The following CEP89 variants were observed in gnomAD, a reference collection of about 807,000 sequenced individuals.
CEP89 encodes the protein centrosomal protein of 89 kDa.
Under a neutral mutation model 97.6 loss-of-function variants are expected in CEP89, and 95 were observed. That is an observed-to-expected ratio of 0.97 (90% CI 0.82 to 1.15). The LOEUF (loss-of-function observed/expected upper bound fraction) is 1.15. Among genes scored for constraint, CEP89 ranks in the 50% most tolerant of loss-of-function variants. CEP89 has a pLI of 0.00. For missense variants in CEP89, 869 were observed against 947.7 expected (o/e 0.92, Z 1.09); for synonymous variants, 354 against 349.1 (o/e 1.01, Z -0.16).
At chr19:32,888,593 G>A (rs934273490) in intron 16 of CEP89, among the ~76,000 whole-genome samples, 1 of 151,570 alleles carries the variant, frequency 6.6e-6, no homozygotes, top group Non-Finnish European at 1.5e-5. Flanking sequence ...TGAGGCACGA[G>A]AATGGCTTGA....
chr19:32,929,574 G>C (rs1420763260), intron 9 of CEP89, among the ~76,000 whole-genome samples: 1 of 151,548 alleles, frequency 6.6e-6, no homozygotes, highest in Non-Finnish European at 1.5e-5. Flanking sequence ...CTGCACTCCA[G>C]CCTGGGCGAC....
In CEP89 at chr19:32,952,899, G is replaced by T. The variant is rs868573656; in HGVS notation, c.492+716C>A. Among the ~76,000 whole-genome samples, 367 of 61,186 alleles carry T rather than the reference G, an allele frequency of 6.0e-3. 5 individuals carry two copies. The highest frequency in any genetic ancestry group is 0.022 in the African/African-American group (338 of 15,260). The allele number at this position is 61,186 out of a possible 152,430, so 40.1% of individuals were successfully genotyped here. On this transcript the variant is annotated intron_variant, in intron 4 of 18. Transcript: ENST00000305768. ...AGCCTGGAGGACAGAGCAAGACTCT[G>T]TCTCAAAAAAAAAAAAAAAAAAAAA... is the stretch of plus-strand genomic sequence containing the variant.
chr19:32,896,501 T>A (rs1446664536), intron 16 of CEP89, among the ~76,000 whole-genome samples: 2 of 152,120 alleles, frequency 1.3e-5, no homozygotes, highest in Non-Finnish European at 2.9e-5. Context: ...ATCTAAGACC[T>A]GAAACTATAA....
chr19:32,954,120 G>A (rs373973907), intron 3 of CEP89, among the ~76,000 whole-genome samples: 28 of 151,924 alleles, frequency 1.8e-4, no homozygotes, highest in African/African-American at 5.6e-4. Context: ...TGATCCGCCC[G>A]CCTCGGCCTC....
At chr19:32,953,524 T>C (rs995833770) in intron 4 of CEP89, 91 bp downstream of exon 4, 4 of 1,014,524 alleles carry the variant, frequency 3.9e-6, no homozygotes, top group African/African-American at 1.6e-5. Context: ...AAATGCAGAA[T>C]AGAGAGAAGA....
At chr19:32,939,295 AT>A (rs1401961842) in intron 6 of CEP89, among the ~76,000 whole-genome samples, 2 of 152,112 alleles carry the variant, frequency 1.3e-5, no homozygotes, top group African/African-American at 4.8e-5. Flanking sequence ...TTCATTCCAC[AT>A]TCATTTTAAT....
At chr19:32,933,056 A>C (rs1168459249) in intron 8 of CEP89, among the ~76,000 whole-genome samples, 1 of 132,772 alleles carries the variant, frequency 7.5e-6, no homozygotes, top group Non-Finnish European at 1.6e-5. Context: ...ATACAAATTA[A>C]AATACTATTT....
chr19:32,952,180 C>G (rs568440361), intron 4 of CEP89, among the ~76,000 whole-genome samples: 2 of 152,028 alleles, frequency 1.3e-5, no homozygotes, highest in Non-Finnish European at 2.9e-5. Flanking sequence ...TCCTGAAGAC[C>G]ATTTAAAATG....
chr19:32,940,037 G>A (rs1970656676), intron 5 of CEP89, 152 bp from the exon 6 acceptor site: 1 of 496,604 alleles, frequency 2.0e-6, no homozygotes, highest in South Asian at 2.4e-5. Context: ...GGGCAAGTGG[G>A]TCCCAGAGCC....
In CEP89 at chr19:32,926,950, G is replaced by C. The variant is rs768690808; in HGVS notation, c.1064C>G (p.Pro355Arg). The change falls in exon 10 of 19, where the codon CCT becomes CGT. Residue 355 changes from proline (P) to arginine (R), a missense_variant. Transcript: ENST00000305768. ...TTCACTTACCAACCAGGGTGGTATA[G>C]GGCCCTTGGATGGGAGGCCTTCAAT... ...LNIEGLPSKG[P>R]IPPWLLDIKY... The C allele has an allele frequency of 6.2e-7, 1 of 1,613,580 alleles. No individual in the cohort carries two copies. Among genetic ancestry groups the C allele is most frequent in the African/African-American group, 1.3e-5 (1 of 74,912 alleles).
intron 4 of CEP89, 29 bp from the exon 5 acceptor site, chr19:32,948,397 A>G: frequency 1.4e-6 from 2 of 1,424,522 alleles, no homozygotes; most frequent in South Asian, 1.2e-5. Flanking sequence ...AAAGGAGCAA[A>G]AAAGTGAGAA....
intron 14 of CEP89, among the ~76,000 whole-genome samples, chr19:32,905,197 T>C (rs1408297440): frequency 6.6e-6 from 1 of 152,242 alleles, no homozygotes; most frequent in Non-Finnish European, 1.5e-5. Flanking sequence ...TTTCAACATT[T>C]CCCTATTTGG....
intron 16 of CEP89, among the ~76,000 whole-genome samples, 197 bp downstream of exon 16, chr19:32,899,660 A>T (rs755823638): frequency 6.6e-6 from 1 of 152,192 alleles, no homozygotes; most frequent in Non-Finnish European, 1.5e-5. Context: ...TATGAGTTGT[A>T]AGGAGTTCCT....
intron 14 of CEP89, among the ~76,000 whole-genome samples, chr19:32,908,374 TG>T (rs1969931602): frequency 6.6e-6 from 1 of 152,126 alleles, no homozygotes. Context: ...CAGCTTTGGC[TG>T]AACAGCTTTG....
chr19:32,926,235 A>C lies in CEP89; in HGVS notation c.1119T>G (p.Tyr373Ter). The C allele has an allele frequency of 3.7e-6, 6 of 1,613,772 alleles. No homozygotes were observed. The highest frequency in any genetic ancestry group is 5.1e-6 in the Non-Finnish European group (6 of 1,179,740). ...IKYLSPLLLA[Y>*]EDMMKEKDEL... is the part of the protein sequence containing the mutation. The stretch of plus-strand genomic sequence containing the variant: ...CGTCCTTCTCTTTCATCATATCTTC[A>C]TAAGCCAGCAACAATGGTGACAGGT... The change falls in exon 11 of 19, where the codon TAT becomes TAG. Residue 373 changes from tyrosine to a stop codon, truncating the protein, a stop_gained. Transcript: ENST00000305768. LOFTEE classifies it high-confidence loss of function.
chr19:32,887,655 A>G, intron 17 of CEP89, 97 bp downstream of exon 17: 3 of 733,276 alleles, frequency 4.1e-6, no homozygotes, highest in South Asian at 3.3e-5. Flanking sequence ...AGTGATGCAC[A>G]TGCAAAAGGT....
chr19:32,910,838 G>A (rs888377431), intron 14 of CEP89, among the ~76,000 whole-genome samples: 1 of 152,208 alleles, frequency 6.6e-6, no homozygotes, highest in African/African-American at 2.4e-5. Context: ...GTCACCTCCT[G>A]TGATAACAAT....
intron 14 of CEP89, among the ~76,000 whole-genome samples, chr19:32,915,124 C>G (rs1050847038): frequency 2.6e-5 from 4 of 152,016 alleles, no homozygotes; most frequent in African/African-American, 9.7e-5. Context: ...TCTCTCCATT[C>G]TGCCTATAAC....
At chr19:32,908,330 G>A (rs1245116165) in intron 14 of CEP89, among the ~76,000 whole-genome samples, 3 of 152,252 alleles carry the variant, frequency 2.0e-5, no homozygotes, top group South Asian at 4.1e-4. Context: ...TTGTGGCTCA[G>A]AATGAACTGG....
Sources: allele counts gnomAD v4.1 joint callset (sites outside exome capture counted in the v4.1 genomes callset), GRCh38; gene constraint gnomAD v4.1.1; transcripts MANE v1.5; gene names NCBI Gene and HGNC (gene_info 2026-07-23, HGNC 2026-07-21).